Variants in LRWD1 observed in about 807,000 individuals in gnomAD.
LRWD1 encodes the protein leucine rich repeats and WD repeat domain containing 1, also known as leucine-rich repeat and WD repeat-containing protein 1.
LRWD1 carries 76 observed loss-of-function variants against 75.6 expected under a neutral mutation model. That is an observed-to-expected ratio of 1.01 (90% confidence interval 0.84 to 1.22). The LOEUF (loss-of-function observed/expected upper bound fraction) is 1.22. Among genes scored for constraint, LRWD1 ranks in the 50% most tolerant of loss-of-function variants. The pLI is 0.00. For synonymous variants in LRWD1, 487 were observed against 377.0 expected, an observed-to-expected ratio of 1.29 and a Z score of -3.38; for missense variants, 917 against 862.0, an observed-to-expected ratio of 1.06 and a Z score of -0.80.
intron 3 of LRWD1, among the ~76,000 whole-genome samples, 170 bp from the exon 4 acceptor site, chr7:102,467,169 G>GTGTGTGTGT (rs773521223): frequency 1.5e-4 from 3 of 19,816 alleles, no homozygotes; most frequent in Non-Finnish European, 5.0e-4. Context: ...GGGTGTGTGT[G>GTGTGTGTGT]GGGTGTGTGT....
intron 13 of LRWD1, 33 bp from the exon 14 acceptor site, chr7:102,472,659 G>A: frequency 3.7e-6 from 6 of 1,612,514 alleles, no homozygotes; most frequent in Non-Finnish European, 5.1e-6. Flanking sequence ...CGGGAGCTCT[G>A]CCCCCACTCA....
At chr7:102,469,278 T>C (rs1200044272) in intron 9 of LRWD1, among the ~76,000 whole-genome samples, 1 of 152,216 alleles carries the variant, frequency 6.6e-6, no homozygotes, top group Non-Finnish European at 1.5e-5. Context: ...TCCAACAGCC[T>C]GGGCCACTCT....
rs537563253 is a variant in LRWD1 at position 102,470,092 on chromosome 7, C to T, written c.1442+210C>T. Reference sequence around the variant, plus strand: ...TCTCACCCTGGGTTCAGCTGTGGGACTGGGCCATGATGACCTCCCCTTCAC... The same window carrying T: ...TCTCACCCTGGGTTCAGCTGTGGGATTGGGCCATGATGACCTCCCCTTCAC... On this transcript the variant is annotated intron_variant, in intron 11 of 14. Transcript: ENST00000292616. 2.4e-5 allele frequency: 15 copies of T among 620,636 alleles called. No homozygotes were observed. In the African/African-American group the frequency reaches 2.6e-4, roughly 11 times the overall value. The allele number at this position is 620,636 out of a possible 1,614,324, so 38.4% of individuals were successfully genotyped here.
intron 11 of LRWD1, chr7:102,470,729 C>T (rs60209301): frequency 0.11 from 16,225 of 152,272 alleles, 1,436 homozygotes; most frequent in East Asian, 0.45. Context: ...CGGGGCACGC[C>T]GGGCTTCGTC....
intron 3 of LRWD1, among the ~76,000 whole-genome samples, chr7:102,466,500 T>G (rs1266213590): frequency 6.6e-6 from 1 of 152,118 alleles, no homozygotes; most frequent in Non-Finnish European, 1.5e-5. Context: ...TTGCAACCTC[T>G]GCCTCCCAGG....
intron 11 of LRWD1, 124 bp from the exon 12 acceptor site, chr7:102,472,093 TG>T: frequency 1.2e-6 from 1 of 840,138 alleles, no homozygotes; most frequent in Non-Finnish European, 1.9e-6. Context: ...ATCTCTTTGG[TG>T]GCATCTTCTG....
rs1563655953 is a variant in LRWD1, at chr7:102,468,932, GGCTGCAGGCCTACGGGGCCTGGTCCGGCT to G, written c.1105_1133del (p.Gly369ArgfsTer36). The stretch of plus-strand genomic sequence containing the variant: ...ACAAGAAGCGCTGGAGTGTGCTGGC[GGCTGCAGGCCTACGGGGCCTGGTCCGGCT>G]GCTGCACGTGCGTGCCGGCTTCTGC... On this transcript the variant is annotated frameshift_variant, in exon 9 of 15. Transcript: ENST00000292616. LOFTEE classifies it high-confidence loss of function. 1 of 1,612,762 alleles carries G rather than the reference GGCTGCAGGCCTACGGGGCCTGGTCCGGCT, an allele frequency of 6.2e-7. No individual in the cohort carries two copies. Among genetic ancestry groups the G allele is most frequent in the East Asian group, 2.2e-5 (1 of 44,870 alleles).
At chr7:102,465,276 A>C in intron 1 of LRWD1, 116 bp downstream of exon 1, 2 of 1,070,460 alleles carry the variant, frequency 1.9e-6, no homozygotes, top group Non-Finnish European at 2.5e-6. Flanking sequence ...GGTTCGGCAG[A>C]GTGGTCCAAA....
chr7:102,472,665 A>C, intron 13 of LRWD1, 27 bp from the exon 14 acceptor site: 1 of 1,612,074 alleles, frequency 6.2e-7, no homozygotes. Flanking sequence ...CTCTGCCCCC[A>C]CTCAGACTCC....
At chr7:102,467,565 G>A (rs6971245) in intron 4 of LRWD1, 86 bp downstream of exon 4, 14 of 1,571,066 alleles carry the variant, frequency 8.9e-6, no homozygotes, top group Admixed American at 3.6e-5. Flanking sequence ...GGGCTGAGGG[G>A]CTGTGGGAGT....
At position 102,472,625 on chromosome 7, in the gene LRWD1, T is replaced by C. The variant is rs1370838411; in HGVS notation, c.1690+16T>C. The C allele has an allele frequency of 3.1e-6, 5 of 1,609,652 alleles. No individual in the cohort carries two copies. The highest frequency in any genetic ancestry group is 2.7e-5 in the African/African-American group (2 of 74,862). On this transcript the variant is annotated intron_variant, in intron 13 of 14. Coordinates refer to ENST00000292616, the MANE Select transcript of LRWD1 (RefSeq NM_152892.3). ...GCCTGCCCTGGTGAGCCTGCCCCCC[T>C]GCCCGCCCCATCCCGCGGGCTTCCG... is the stretch of plus-strand genomic sequence containing the variant.
At position 102,465,987 on chromosome 7, in the gene LRWD1, T is replaced by C; in HGVS notation, c.251T>C (p.Val84Ala). 1.2e-6 allele frequency: 2 copies of C among 1,614,014 alleles called. No homozygotes were observed. Among genetic ancestry groups the C allele is most frequent in the African/African-American group, 2.7e-5 (2 of 75,038 alleles). The change falls in exon 2 of 15, where the codon GTT becomes GCT. Residue 84 changes from valine (V) to alanine (A), a missense_variant. Val to Ala is a moderately conservative substitution (Grantham distance 64). Coordinates refer to ENST00000292616, the MANE Select transcript of LRWD1 (RefSeq NM_152892.3). The part of the protein sequence containing the change: ...LRCANNQLGD[V>A]TALCQFPKLE... ...TGCGCCAACAACCAGCTGGGGGATG[T>C]TACTGCCTTGTGCCAGTTCCCCAAG...
At chr7:102,470,145 A>G (rs2133270713) in intron 11 of LRWD1, 1 of 454,114 alleles carries the variant, frequency 2.2e-6, no homozygotes, top group Non-Finnish European at 3.9e-6. Flanking sequence ...TGCTGTGCCC[A>G]CGTGATCCAG....
At position 102,472,941 on chromosome 7, in the gene LRWD1, C is replaced by T. The variant is rs953889052; in HGVS notation, c.1836C>T (p.Gly612=). Residue 612 remains glycine, a synonymous_variant, in exon 15 of 15, where the codon GGC becomes GGT. Coordinates refer to ENST00000292616, the MANE Select transcript of LRWD1 (RefSeq NM_152892.3). ...ILKWPQPWAL[G]QVVTKTMVNT... ...AGTGGCCCCAGCCCTGGGCCCTTGG[C>T]CAGGTGGTGACCAAGACCATGGTGA... 6.2e-7 allele frequency: 1 copy of T among 1,614,074 alleles called. No homozygotes were observed. The highest frequency in any genetic ancestry group is 8.5e-7 in the Non-Finnish European group (1 of 1,180,004).
rs763929295 is a variant in LRWD1, at chr7:102,468,113, C to A, written c.730C>A (p.Pro244Thr). The A allele has an allele frequency of 1.9e-6, 3 of 1,610,372 alleles. No individual in the cohort carries two copies. The Admixed American group carries it at 5.0e-5, about 27-fold the overall frequency. The change falls in exon 6 of 15, where the codon CCC (proline) becomes ACC (threonine). Residue 244 changes from proline (P) to threonine (T), a missense_variant. Pro to Thr is a conservative substitution (Grantham distance 38). Transcript: ENST00000292616. The part of the protein sequence containing the change: ...RPDDVPLSLS[P>T]SKRACASPSA... Reference sequence around the variant, plus strand: ...AGACGACGTCCCACTCAGCCTCTCTCCCAGCAAGCGGGCGTGTGCCTCCCC... The same window carrying A: ...AGACGACGTCCCACTCAGCCTCTCTACCAGCAAGCGGGCGTGTGCCTCCCC...
Position 102,465,156 on chromosome 7 carries a change from C to G in LRWD1, c.76C>G (p.Leu26Val), listed in dbSNP as rs1430452923. The change falls in exon 1 of 15, where the codon CTG becomes GTG. Residue 26 changes from leucine to valine, a missense_variant. Physicochemically the swap from Leu to Val is conservative, Grantham distance 32. Transcript: ENST00000292616. ...KSDRLGKIRS[L>V]DLSGLELLSE... is the part of the protein sequence containing the mutation. Reference sequence around the variant, plus strand: ...CGACCGGCTGGGGAAGATCCGGAGTCTGGAGTAAGAGCCGGGCAGCGGGTG... The same window carrying G: ...CGACCGGCTGGGGAAGATCCGGAGTGTGGAGTAAGAGCCGGGCAGCGGGTG... 1 of 1,507,782 alleles carries G rather than the reference C, an allele frequency of 6.6e-7. No individual in the cohort carries two copies. Among genetic ancestry groups the G allele is most frequent in the East Asian group, 2.8e-5 (1 of 35,788 alleles). The allele number at this position is 1,507,782 out of a possible 1,614,324, so 93.4% of individuals were successfully genotyped here.
At position 102,466,181 on chromosome 7, in the gene LRWD1, C is replaced by G; in HGVS notation, c.343C>G (p.Leu115Val). The G allele has an allele frequency of 3.1e-6, 5 of 1,614,208 alleles. No homozygotes were observed. Among genetic ancestry groups the G allele is most frequent in the Non-Finnish European group, 4.2e-6 (5 of 1,180,038 alleles). ...CAATGACAACCTGAAAGTCTCCTTT[C>G]TCCTGCCCACGCTCCGTAAGGTCAA... Reference protein sequence around the residue: ...TVNDNLKVSFLLPTLRKVNGK... With the variant: ...TVNDNLKVSFVLPTLRKVNGK... The change falls in exon 3 of 15, where the codon CTC (leucine) becomes GTC (valine). Residue 115 changes from leucine to valine, a missense_variant. Physicochemically the swap from Leu to Val is conservative, Grantham distance 32 (BLOSUM62 1). Transcript: ENST00000292616.
chr7:102,472,131 C>A, intron 11 of LRWD1, 87 bp from the exon 12 acceptor site: 1 of 1,232,030 alleles, frequency 8.1e-7, no homozygotes, highest in Non-Finnish European at 1.2e-6. Flanking sequence ...GGCAGGGTCC[C>A]CAGCAGGTGC....
chr7:102,467,317 G>A (rs1798039811), intron 3 of LRWD1, 22 bp from the exon 4 acceptor site: 1 of 1,585,968 alleles, frequency 6.3e-7, no homozygotes, highest in Non-Finnish European at 8.6e-7. Context: ...GCCGGGCCTG[G>A]ATCTGGTCCC....
Sources: gnomAD v4.1 joint callset for allele counts (sites outside exome capture counted in the v4.1 genomes callset) on GRCh38, gnomAD v4.1.1 for gene constraint, MANE v1.5 for transcripts, NCBI Gene and HGNC (gene_info 2026-07-23, HGNC 2026-07-21) for gene names.